SLC15A4: variants seen among roughly 807,000 people sequenced by gnomAD.
The protein encoded by SLC15A4 is solute carrier family 15 member 4, also known as hPHT1.
A neutral mutation model predicts 46.1 loss-of-function variants in SLC15A4; 26 were observed. The observed-to-expected ratio is 0.56, with a 90% CI of 0.41 to 0.78. The LOEUF is 0.78. SLC15A4 is among the 30% of genes least tolerant of loss of function. The pLI is 0.00. For synonymous variants in SLC15A4, 370 were observed against 333.4 expected (o/e 1.11, Z -1.20); for missense variants, 751 against 755.7 (o/e 0.99, Z 0.07).
chr12:128,796,064 C>T lies in SLC15A4; in HGVS notation c.1574-1708G>A, dbSNP rs747411804. ...CCTTTTTAAAGCTGGGTTATTCTGG[C>T]ACTTCCTTTTTCTATCTGAACATAT... is the stretch of plus-strand genomic sequence containing the variant. On this transcript the variant is annotated intron_variant, in intron 7 of 7. Coordinates refer to ENST00000266771, the MANE Select transcript of SLC15A4 (RefSeq NM_145648.4). Among the ~76,000 whole-genome samples the T allele has an allele frequency of 2.8e-4, 43 of 152,296 alleles. No individual in the cohort carries two copies. The Middle Eastern group carries it at 0.01, about 36-fold the overall frequency.
At chr12:128,815,894 T>A (rs1195769208) in intron 1 of SLC15A4, 2 of 152,244 alleles carry the variant, frequency 1.3e-5, no homozygotes, top group Non-Finnish European at 2.9e-5. Flanking sequence ...CAAATATGCT[T>A]AGGCCCCAAA....
Position 128,794,090 on chromosome 12 carries a change from G to T in SLC15A4, c.*106C>A. The stretch of plus-strand genomic sequence containing the variant: ...CAATCCAGGCAACATGCAAGTTTCA[G>T]TGAAGTCAGACATTTTATGGGAATT... On this transcript the variant is annotated 3_prime_UTR_variant, in exon 8 of 8. Transcript: ENST00000266771. The T allele has an allele frequency of 8.8e-7, 1 of 1,134,284 alleles. No individual in the cohort carries two copies. Among genetic ancestry groups the T allele is most frequent in the Non-Finnish European group, 1.3e-6 (1 of 798,948 alleles). The allele number at this position is 1,134,284 out of a possible 1,614,324, so 70.3% of individuals were successfully genotyped here.
At chr12:128,797,479 G>C (rs1267310245) in intron 7 of SLC15A4, among the ~76,000 whole-genome samples, 1 of 152,206 alleles carries the variant, frequency 6.6e-6, no homozygotes, top group Non-Finnish European at 1.5e-5. Flanking sequence ...AGCAAGCTGT[G>C]CTTAAGATTA....
intron 7 of SLC15A4, among the ~76,000 whole-genome samples, chr12:128,798,817 T>C (rs1193974887): frequency 2.0e-5 from 3 of 152,222 alleles, no homozygotes; most frequent in Non-Finnish European, 4.4e-5. Context: ...TTACTATCTA[T>C]CTTGTCTTTT....
At chr12:128,794,916 T>C (rs1315345338) in intron 7 of SLC15A4, among the ~76,000 whole-genome samples, 1 of 152,206 alleles carries the variant, frequency 6.6e-6, no homozygotes, top group Non-Finnish European at 1.5e-5. Context: ...TCTGGTGTTA[T>C]TTCCTTCCTG....
chr12:128,808,695 C>T (rs1223567236), intron 5 of SLC15A4, 93 bp downstream of exon 5: 1 of 1,309,804 alleles, frequency 7.6e-7, no homozygotes, highest in Non-Finnish European at 1.1e-6. Flanking sequence ...ACTTCCTGAA[C>T]AACCTGGGGC....
At chr12:128,809,126 T>C in intron 4 of SLC15A4, 170 bp from the exon 5 acceptor site, 2 of 666,454 alleles carry the variant, frequency 3.0e-6, no homozygotes. Context: ...TCTTTCCAAA[T>C]GAATCTGCAT....
chr12:128,816,529 G>C (rs952825521), intron 1 of SLC15A4, among the ~76,000 whole-genome samples: 3 of 151,940 alleles, frequency 2.0e-5, no homozygotes, highest in African/African-American at 7.3e-5. Flanking sequence ...ATTCTCAATG[G>C]GGCCAAAACA....
At chr12:128,800,586 T>C (rs539522373) in intron 6 of SLC15A4, among the ~76,000 whole-genome samples, 7 of 152,378 alleles carry the variant, frequency 4.6e-5, no homozygotes, top group African/African-American at 1.7e-4. Flanking sequence ...CAACCACGAT[T>C]GCTTTCTTCT....
At position 128,809,490 on chromosome 12, in the gene SLC15A4, G is replaced by A. The variant is rs1401614424; in HGVS notation, c.1012-17C>T. ...TGTCTGCATCTAGGTATAAAAAACAGTATCATTATATGTGGACCAACTGTG... is the reference window on the plus strand; with the variant it reads ...TGTCTGCATCTAGGTATAAAAAACAATATCATTATATGTGGACCAACTGTG... On this transcript the variant is annotated splice_polypyrimidine_tract_variant and intron_variant, in intron 3 of 7. Transcript: ENST00000266771. The A allele has an allele frequency of 6.4e-7, 1 of 1,552,382 alleles. No homozygotes were observed. Among genetic ancestry groups the A allele is most frequent in the African/African-American group, 1.4e-5 (1 of 73,260 alleles).
chr12:128,799,417 C>G lies in SLC15A4; in HGVS notation c.1415G>C (p.Gly472Ala). 1 of 1,613,876 alleles carries G rather than the reference C, an allele frequency of 6.2e-7. No individual in the cohort carries two copies. Among genetic ancestry groups the G allele is most frequent in the South Asian group, 1.1e-5 (1 of 91,048 alleles). ...GISEIFASIA[G>A]LEFAYSAAPK... is the part of the protein sequence containing the mutation. ...GGCAGCTGAGTATGCAAATTCCAGG[C>G]CTGAGGAAAGAAAAGGGAGGGTCGT... is the stretch of plus-strand genomic sequence containing the variant. The change falls in exon 7 of 8, where the codon GGC (glycine) becomes GCC (alanine). Residue 472 changes from glycine to alanine, a missense_variant and splice_region_variant. Gly to Ala is a moderately conservative substitution (Grantham distance 60). Coordinates refer to ENST00000266771, the MANE Select transcript of SLC15A4 (RefSeq NM_145648.4).
intron 7 of SLC15A4, among the ~76,000 whole-genome samples, chr12:128,794,948 TCTC>T (rs1705000853): frequency 6.6e-6 from 1 of 152,198 alleles, no homozygotes; most frequent in Admixed American, 6.5e-5. Flanking sequence ...GCAGTGTTCC[TCTC>T]CTCAACTACT....
intron 7 of SLC15A4, among the ~76,000 whole-genome samples, chr12:128,795,376 G>A (rs530034456): frequency 5.3e-5 from 8 of 152,264 alleles, no homozygotes; most frequent in African/African-American, 1.9e-4. Context: ...CACTATGGAG[G>A]CACTTTACAC....
chr12:128,803,461 A>G (rs1163137849), intron 5 of SLC15A4, among the ~76,000 whole-genome samples: 1 of 152,202 alleles, frequency 6.6e-6, no homozygotes, highest in Non-Finnish European at 1.5e-5. Context: ...GAAATAACCC[A>G]AGCTCATTTG....
chr12:128,804,718 G>C (rs1047015025), intron 5 of SLC15A4, among the ~76,000 whole-genome samples: 1 of 152,196 alleles, frequency 6.6e-6, no homozygotes. Flanking sequence ...TGATGGGAGG[G>C]AGACCCTGTC....
intron 1 of SLC15A4, among the ~76,000 whole-genome samples, chr12:128,822,222 C>A (rs1393522532): frequency 6.6e-6 from 1 of 152,232 alleles, no homozygotes; most frequent in East Asian, 1.9e-4. Flanking sequence ...AGTGGTTCCT[C>A]CCTCACTTCT....
chr12:128,800,785 A>C, intron 6 of SLC15A4, 69 bp downstream of exon 6: 2 of 1,475,538 alleles, frequency 1.4e-6, no homozygotes, highest in South Asian at 2.6e-5. Context: ...TTCCAACAGC[A>C]CAGTCAGAAT....
chr12:128,823,019 G>A (rs913625128), intron 1 of SLC15A4, among the ~76,000 whole-genome samples: 6 of 151,606 alleles, frequency 4.0e-5, no homozygotes, highest in Admixed American at 6.6e-5. Flanking sequence ...TTAAATTTTG[G>A]TAGAGATGAG....
In SLC15A4 at chr12:128,809,401, G is replaced by A; in HGVS notation, c.1084C>T (p.His362Tyr). Residue 362 changes from histidine to tyrosine, a missense_variant, in exon 4 of 8, where the codon CAC becomes TAC. By Grantham distance (83) the His-to-Tyr change is moderately conservative. Transcript: ENST00000266771. ...PEISNITTTP[H>Y]TLPAAWLTMF... ...ATCATTACAATTGTTCTTACCGTGT[G>A]AGGAGTGGTTGTAATATTTGAAATT... 1 of 1,593,916 alleles carries A rather than the reference G, an allele frequency of 6.3e-7. No individual in the cohort carries two copies. The highest frequency in any genetic ancestry group is 8.6e-7 in the Non-Finnish European group (1 of 1,164,286).
Sources: gnomAD v4.1 joint callset for allele counts (sites outside exome capture counted in the v4.1 genomes callset) on GRCh38, gnomAD v4.1.1 for gene constraint, MANE v1.5 for transcripts, NCBI Gene and HGNC (gene_info 2026-07-23, HGNC 2026-07-21) for gene names.